Variants in GRIN2B observed in about 807,000 individuals in gnomAD.
GRIN2B encodes glutamate receptor ionotropic, NMDA 2B.
In GRIN2B, 5 loss-of-function variants were observed where a neutral mutation model predicts 114.5. That is an observed-to-expected ratio of 0.04 (90% CI 0.02 to 0.09). The LOEUF is 0.09. GRIN2B is among the 10% of genes least tolerant of loss of function. The pLI is 1.00. For synonymous variants in GRIN2B, 787 were observed against 745.1 expected (o/e 1.06, Z -0.92); for missense variants, 1,108 against 1,943.5 (o/e 0.57, Z 8.08).
chr12:13,976,320 T>C (rs1033043269), intron 2 of GRIN2B, among the ~76,000 whole-genome samples: 4 of 152,242 alleles, frequency 2.6e-5, no homozygotes, highest in Non-Finnish European at 5.9e-5. Flanking sequence ...TGAGAGACAA[T>C]ACTGGCATCC....
At chr12:13,855,469 G>T (rs1865644364) in intron 3 of GRIN2B, among the ~76,000 whole-genome samples, 1 of 152,118 alleles carries the variant, frequency 6.6e-6, no homozygotes, top group South Asian at 2.1e-4. Context: ...TAAAACAACA[G>T]AAATGTATTC....
chr12:13,836,679 T>C (rs1161999921), intron 3 of GRIN2B, among the ~76,000 whole-genome samples: 1 of 151,728 alleles, frequency 6.6e-6, no homozygotes, highest in Non-Finnish European at 1.5e-5. Context: ...TCTCCCCTAG[T>C]CCTTCTGGCC....
At chr12:13,869,957 T>A (rs10845849) in intron 2 of GRIN2B, among the ~76,000 whole-genome samples, 4 of 151,922 alleles carry the variant, frequency 2.6e-5, no homozygotes, top group African/African-American at 9.7e-5. Flanking sequence ...GTGCTTTGAA[T>A]AATCTAAAAT....
chr12:13,564,866 G>C lies in GRIN2B; in HGVS notation c.2599-227C>G, dbSNP rs1269299715. Among the ~76,000 whole-genome samples the C allele has an allele frequency of 6.6e-6, 1 of 152,200 alleles. No individual in the cohort carries two copies. Among genetic ancestry groups the C allele is most frequent in the Non-Finnish European group, 1.5e-5 (1 of 68,034 alleles). ...GGTCAGTGACCTGGCCATCAGAGGG[G>C]GGGGCATGGCCCCACCCAGTAACTT... On this transcript the variant is annotated intron_variant, in intron 13 of 13. Transcript: ENST00000609686. This position sits in a 1 kb window ranked among gnomAD's most constrained non-coding sequence, Gnocchi z 4.8.
intron 2 of GRIN2B, among the ~76,000 whole-genome samples, chr12:13,898,671 G>T (rs568727437): frequency 6.6e-6 from 1 of 152,352 alleles, no homozygotes; most frequent in Non-Finnish European, 1.5e-5. Flanking sequence ...CAGCACTTTA[G>T]GAGGCCAAGG....
At chr12:13,852,636 A>C (rs1408298598) in intron 3 of GRIN2B, among the ~76,000 whole-genome samples, 1 of 150,956 alleles carries the variant, frequency 6.6e-6, no homozygotes, top group Non-Finnish European at 1.5e-5. Flanking sequence ...TATTTCATTT[A>C]ATCTTCATAA....
At chr12:13,589,019 A>C (rs1380238507) in intron 10 of GRIN2B, among the ~76,000 whole-genome samples, 1 of 152,214 alleles carries the variant, frequency 6.6e-6, no homozygotes, top group Non-Finnish European at 1.5e-5. Flanking sequence ...GCATATCTCC[A>C]ACGTCTCACA....
At chr12:13,856,431 C>T (rs1865662165) in intron 3 of GRIN2B, among the ~76,000 whole-genome samples, 1 of 152,042 alleles carries the variant, frequency 6.6e-6, no homozygotes, top group Non-Finnish European at 1.5e-5. Context: ...TGTGGCAGCA[C>T]AGACAAGAGA....
chr12:13,869,791 C>T (rs535183761), intron 2 of GRIN2B, among the ~76,000 whole-genome samples: 3 of 152,290 alleles, frequency 2.0e-5, no homozygotes, highest in Non-Finnish European at 2.9e-5. Flanking sequence ...AACCAACTGA[C>T]GTTTTAATAC....
chr12:13,723,480 T>TAA (rs33929265), intron 4 of GRIN2B, among the ~76,000 whole-genome samples: 247 of 143,372 alleles, frequency 1.7e-3, no homozygotes, highest in Middle Eastern at 7.1e-3. Flanking sequence ...TAGAATTACT[T>TAA]AAAAAAAAAA....
Position 13,615,282 on chromosome 12 carries a change from C to T in GRIN2B, c.1501-15G>A, listed in dbSNP as rs200650663. On this transcript the variant is annotated splice_polypyrimidine_tract_variant and intron_variant, in intron 7 of 13. Coordinates refer to ENST00000609686, the MANE Select transcript of GRIN2B (RefSeq NM_000834.5). The surrounding 1 kb of genome is among the most constrained non-coding windows in gnomAD (Gnocchi z 5.8). The stretch of plus-strand genomic sequence containing the variant: ...TTCATGACCACCTAAAAGAAAGGCG[C>T]GATGCTCCAATTAAAACATTCAGGA... 28 of 1,613,248 alleles carry T rather than the reference C, an allele frequency of 1.7e-5. No individual in the cohort carries two copies. Among genetic ancestry groups the T allele is most frequent in the Admixed American group, 3.3e-5 (2 of 59,992 alleles).
At chr12:13,950,518 A>G (rs1413748769) in intron 2 of GRIN2B, among the ~76,000 whole-genome samples, 2 of 152,220 alleles carry the variant, frequency 1.3e-5, no homozygotes, top group African/African-American at 2.4e-5. Context: ...CATACATGGA[A>G]AAGCATTTAG....
At chr12:13,832,966 C>T (rs371694232) in intron 3 of GRIN2B, among the ~76,000 whole-genome samples, 6 of 152,014 alleles carry the variant, frequency 3.9e-5, no homozygotes, top group Non-Finnish European at 8.8e-5. Flanking sequence ...TAAAAAAAAT[C>T]GTCATTCTGA....
intron 2 of GRIN2B, among the ~76,000 whole-genome samples, chr12:13,874,203 C>A (rs10845852): frequency 0.19 from 28,999 of 152,130 alleles, 3,017 homozygotes; most frequent in African/African-American, 0.27. Flanking sequence ...TCTCATTCTT[C>A]GTTCAACCAG....
chr12:13,939,062 C>T (rs1460723010), intron 2 of GRIN2B, among the ~76,000 whole-genome samples: 1 of 152,154 alleles, frequency 6.6e-6, no homozygotes. Flanking sequence ...GTTCCCTACT[C>T]CTTGTCTATT....
At chr12:13,964,616 C>T (rs1198331935) in intron 2 of GRIN2B, among the ~76,000 whole-genome samples, 1 of 152,152 alleles carries the variant, frequency 6.6e-6, no homozygotes. Context: ...ATGCTAAGTC[C>T]CCTAATAAAT....
In GRIN2B at chr12:13,657,597, C is replaced by T. The variant is rs148115579; in HGVS notation, c.1125+18148G>A. Among the ~76,000 whole-genome samples the T allele has an allele frequency of 6.6e-5, 10 of 152,258 alleles. No individual in the cohort carries two copies. The East Asian group carries it at 1.7e-3, about 27-fold the overall frequency. ...ATGCAGAAGGCAAAGCCAACAAATG[C>T]CAGATCTTCCTACTATCAATACAAC... On this transcript the variant is annotated intron_variant, in intron 5 of 13. Transcript: ENST00000609686.
At chr12:13,972,653 A>G (rs1267539691) in intron 2 of GRIN2B, among the ~76,000 whole-genome samples, 1 of 152,220 alleles carries the variant, frequency 6.6e-6, no homozygotes, top group Non-Finnish European at 1.5e-5. Flanking sequence ...GGGTCAGTGG[A>G]CGTGGCTGAC....
At chr12:13,659,979 G>A (rs1440745431) in intron 5 of GRIN2B, among the ~76,000 whole-genome samples, 1 of 152,132 alleles carries the variant, frequency 6.6e-6, no homozygotes, top group Non-Finnish European at 1.5e-5. Context: ...GCTGTATACA[G>A]GGCTGTATGG....
Sources: gnomAD v4.1 joint callset for allele counts (sites outside exome capture counted in the v4.1 genomes callset) on GRCh38, gnomAD v4.1.1 for gene constraint, Gnocchi (gnomAD v3.1) non-coding constraint, MANE v1.5 for transcripts, NCBI Gene and HGNC (gene_info 2026-07-23, HGNC 2026-07-21) for gene names.